Variants in CELF2 observed in about 807,000 individuals in gnomAD.
The protein encoded by CELF2 is CUG triplet repeat RNA-binding protein 2.
Under a neutral mutation model 62.6 loss-of-function variants are expected in CELF2, and 8 were observed. The ratio of observed to expected loss-of-function variants is 0.13; its 90% CI spans 0.07 to 0.23. The LOEUF is 0.23. Ranked by LOEUF, CELF2 falls within the 10% of genes least tolerant of loss-of-function variation. The pLI is 1.00. For synonymous variants in CELF2, 258 were observed against 250.0 expected, an observed-to-expected ratio of 1.03 and a Z score of -0.30; for missense variants, 333 against 671.0, an observed-to-expected ratio of 0.50 and a Z score of 5.56.
At chr10:10,612,518 A>G in the CELF2 span, among the ~76,000 whole-genome samples, 1 of 152,188 alleles carries the variant, frequency 6.6e-6, no homozygotes, top group African/African-American at 2.4e-5. Flanking sequence ...TAGCAGAGAC[A>G]CATTCTGTAT....
intron 8 of CELF2, among the ~76,000 whole-genome samples, chr10:11,278,156 G>A (rs1336891820): frequency 6.6e-6 from 1 of 152,174 alleles, no homozygotes; most frequent in Non-Finnish European, 1.5e-5. Context: ...CTAAGTAGTT[G>A]CATGTATAAA....
chr10:11,259,117 T>G (rs1187925024), intron 5 of CELF2, among the ~76,000 whole-genome samples: 1 of 152,244 alleles, frequency 6.6e-6, no homozygotes, highest in Non-Finnish European at 1.5e-5. Flanking sequence ...AATCTCTGGC[T>G]CTGGGCCAGC....
In CELF2 at chr10:10,976,414, TTATC is replaced by T. The variant is rs768094056; in HGVS notation, c.89+56421_89+56424del. On this transcript the variant is annotated intron_variant, in intron 2 of 13. Transcript: ENST00000636488. ...CAGGGCTCTGTTGTAGACAGAGTCG[TTATC>T]TATCTGTGTATATCTTCATGAAATT... Among the ~76,000 whole-genome samples, 126 of 152,356 alleles carry T rather than the reference TTATC, an allele frequency of 8.3e-4. 2 individuals carry two copies. Among genetic ancestry groups the T allele is most frequent in the South Asian group, 2.1e-3 (10 of 4,822 alleles).
the CELF2 span, among the ~76,000 whole-genome samples, chr10:10,496,128 G>A: frequency 5.9e-5 from 9 of 152,176 alleles, no homozygotes; most frequent in Non-Finnish European, 1.3e-4. Context: ...GCTTAGAGAG[G>A]TTAGGTAATT....
rs552436190 is a variant in CELF2 at position 11,269,360 on chromosome 10, C to T, written c.619-1306C>T. Among the ~76,000 whole-genome samples, 17 of 152,192 alleles carry T rather than the reference C, an allele frequency of 1.1e-4. No homozygotes were observed. The South Asian group carries it at 3.1e-3, about 28-fold the overall frequency. Reference sequence around the variant, plus strand: ...TTTCTCACTTTTTTTTATTAACAGACATGATATCCTCATGTATTCAGAACT... The same window carrying T: ...TTTCTCACTTTTTTTTATTAACAGATATGATATCCTCATGTATTCAGAACT... On this transcript the variant is annotated intron_variant, in intron 6 of 12. Transcript: ENST00000633077. This position sits in a 1 kb window ranked among gnomAD's most constrained non-coding sequence, Gnocchi z 4.4.
At chr10:11,248,726 G>A (rs961876819) in intron 3 of CELF2, among the ~76,000 whole-genome samples, 3 of 152,142 alleles carry the variant, frequency 2.0e-5, no homozygotes, top group South Asian at 2.1e-4. Context: ...GCATTTTCTC[G>A]TTTAATTCTG....
intron 2 of CELF2, chr10:10,927,360 A>AC (rs1175751366): frequency 2.0e-5 from 3 of 150,816 alleles, no homozygotes; most frequent in South Asian, 2.1e-4. Flanking sequence ...AAAAAAAAAA[A>AC]AAAAAACACC....
chr10:10,990,121 T>C lies in CELF2; in HGVS notation c.89+70122T>C, dbSNP rs2053267122. ...ACATTCACAAGAATTTTCATCTCAA[T>C]GCTATATATAAAAGTAAACATTTAT... On this transcript the variant is annotated intron_variant, in intron 2 of 13. Transcript: ENST00000636488. The surrounding 1 kb of genome is among the most constrained non-coding windows in gnomAD (Gnocchi z 4.6). Among the ~76,000 whole-genome samples, 1 of 152,156 alleles carries C rather than the reference T, an allele frequency of 6.6e-6. No individual in the cohort carries two copies. Among genetic ancestry groups the C allele is most frequent in the African/African-American group, 2.4e-5 (1 of 41,472 alleles).
At chr10:10,651,426 A>G in the CELF2 span, among the ~76,000 whole-genome samples, 1 of 141,802 alleles carries the variant, frequency 7.1e-6, no homozygotes, top group African/African-American at 2.6e-5. Flanking sequence ...CAGGGCACAG[A>G]CAAACAAAAA....
At chr10:10,508,619 T>C in the CELF2 span, among the ~76,000 whole-genome samples, 2 of 151,844 alleles carry the variant, frequency 1.3e-5, no homozygotes, top group Admixed American at 6.6e-5. Context: ...GTCTTATTGA[T>C]CAGATTTTCA....
chr10:10,977,798 A>T (rs2051525411), intron 2 of CELF2, among the ~76,000 whole-genome samples: 1 of 152,174 alleles, frequency 6.6e-6, no homozygotes, highest in Admixed American at 6.5e-5. Flanking sequence ...TGATTCTACC[A>T]CTTCACAGCT....
At chr10:10,908,166 G>A (rs2063494561) in intron 1 of CELF2, among the ~76,000 whole-genome samples, 1 of 146,308 alleles carries the variant, frequency 6.8e-6, no homozygotes, top group African/African-American at 2.5e-5. Context: ...TTTGCGGAAT[G>A]AGGGCTGATA....
chr10:11,206,947 G>A (rs1220957817), intron 2 of CELF2, among the ~76,000 whole-genome samples: 1 of 152,212 alleles, frequency 6.6e-6, no homozygotes, highest in African/African-American at 2.4e-5. Flanking sequence ...TCGTGAAACA[G>A]CTGAACACGA....
the CELF2 span, among the ~76,000 whole-genome samples, chr10:10,683,663 A>G: frequency 6.6e-6 from 1 of 152,354 alleles, no homozygotes; most frequent in East Asian, 1.9e-4. Context: ...TGGGAAAGAA[A>G]AAGTTACTCA....
chr10:11,284,138 T>TGGTGGGTGGATGAGGGATGAGTGC (rs1565759944), intron 8 of CELF2, among the ~76,000 whole-genome samples: 25 of 83,336 alleles, frequency 3.0e-4, no homozygotes, highest in Non-Finnish European at 4.7e-4. Context: ...TGGATGAGTG[T>TGGTGGGTGGATGAGGGATGAGTGC]GTGGTGGGTG....
intron 1 of CELF2, among the ~76,000 whole-genome samples, chr10:11,019,616 A>AG (rs982194840): frequency 1.3e-5 from 2 of 152,116 alleles, no homozygotes; most frequent in African/African-American, 2.4e-5. Context: ...GGGGTGGAGG[A>AG]GGGGGATGAT....
chr10:11,316,241 A>G lies in CELF2; in HGVS notation c.1096+1983A>G, dbSNP rs111861756. Among the ~76,000 whole-genome samples the G allele has an allele frequency of 8.9e-3, 1,352 of 152,382 alleles. 24 individuals are homozygous for G. Among genetic ancestry groups the G allele is most frequent in the African/African-American group, 0.031 (1,284 of 41,584 alleles). On this transcript the variant is annotated intron_variant, in intron 10 of 12. Coordinates refer to ENST00000633077, the MANE Select transcript of CELF2 (RefSeq NM_001326342.2). This position sits in a 1 kb window ranked among gnomAD's most constrained non-coding sequence, Gnocchi z 4.4. ...GGGTTAATATAAGTCTGTATAGTTC[A>G]TAGAAAACGAAGAAAGAATGTTTGT... is the stretch of plus-strand genomic sequence containing the variant.
chr10:10,804,885 G>GTT (rs1018512292), intron 1 of CELF2, among the ~76,000 whole-genome samples: 4 of 152,146 alleles, frequency 2.6e-5, no homozygotes, highest in African/African-American at 9.7e-5. Flanking sequence ...AGCACGCTGT[G>GTT]TAAGTTTGGA....
At chr10:11,209,211 C>G (rs1426173009) in intron 2 of CELF2, among the ~76,000 whole-genome samples, 1 of 152,134 alleles carries the variant, frequency 6.6e-6, no homozygotes, top group Non-Finnish European at 1.5e-5. Context: ...CGTGAGAGAG[C>G]TGAGAGGCAA....
Sources: gnomAD v4.1 joint callset for allele counts (sites outside exome capture counted in the v4.1 genomes callset) on GRCh38, gnomAD v4.1.1 for gene constraint, Gnocchi (gnomAD v3.1) non-coding constraint, MANE v1.5 for transcripts, NCBI Gene and HGNC (gene_info 2026-07-23, HGNC 2026-07-21) for gene names.